TRIM5: variants seen among roughly 807,000 people sequenced by gnomAD.
The protein encoded by TRIM5 is tripartite motif containing 5.
A neutral mutation model predicts 35.6 loss-of-function variants in TRIM5; 31 were observed. The observed-to-expected ratio is 0.87, with a 90% CI of 0.65 to 1.18. TRIM5 has a LOEUF of 1.18. TRIM5 is among the 50% of genes most tolerant of loss of function. The probability of loss-of-function intolerance (pLI) is 0.00; values close to 1 mark genes in which losing one functional copy is unlikely to be tolerated. For synonymous variants in TRIM5, 243 were observed against 215.6 expected, an observed-to-expected ratio of 1.13 and a Z score of -1.11; for missense variants, 609 against 591.6, an observed-to-expected ratio of 1.03 and a Z score of -0.31.
At chr11:5,633,966 C>A in the TRIM5 span, 1 of 1,556,068 alleles carries the variant, frequency 6.4e-7, no homozygotes, top group Non-Finnish European at 8.8e-7. Context: ...AAGGAGGCCT[C>A]GTCCTTTTTA....
rs199796686 is a variant in TRIM5 at position 5,679,948 on chromosome 11, A to G, written c.230T>C (p.Val77Ala). Residue 77 changes from valine (V) to alanine (A), a missense_variant, in exon 2 of 8, where the codon GTG becomes GCG. Transcript: ENST00000380034. ...CAACTTGACCTCCCTGAGCTTCTCC[A>G]CTATGTTGGCTACATGCCGATTAGG... ...IRPNRHVANI[V>A]EKLREVKLSP... The G allele has an allele frequency of 2.5e-4, 404 of 1,613,986 alleles. No homozygotes were observed. The highest frequency in any genetic ancestry group is 3.3e-4 in the Non-Finnish European group (386 of 1,179,992).
chr11:5,680,239 C>T lies in TRIM5; in HGVS notation c.-61-1G>A, dbSNP rs565849849. The T allele has an allele frequency of 6.8e-7, 1 of 1,479,008 alleles. No individual in the cohort carries two copies. The highest frequency in any genetic ancestry group is 1.4e-5 in the African/African-American group (1 of 71,540). 91.6% of individuals were successfully genotyped at this position (1,479,008 alleles called of 1,614,324 possible). On this transcript the variant is annotated splice_acceptor_variant, in intron 1 of 7. Coordinates refer to ENST00000380034, the MANE Select transcript of TRIM5 (RefSeq NM_033034.3). LOFTEE classifies it low-confidence loss of function (5UTR_SPLICE). ...TGAGGTTCCTCTTGTTCACAGATCCCTGCATGATTGGGAAGGTTAAAATGG... is the reference window on the plus strand; with the variant it reads ...TGAGGTTCCTCTTGTTCACAGATCCTTGCATGATTGGGAAGGTTAAAATGG...
the TRIM5 span, chr11:5,643,483 CTT>C: frequency 6.2e-7 from 1 of 1,614,166 alleles, no homozygotes; most frequent in Non-Finnish European, 8.5e-7. Flanking sequence ...TTTGAAGAGT[CTT>C]TGTCCTCTGA....
At chr11:5,653,200 C>T in the TRIM5 span, among the ~76,000 whole-genome samples, 1 of 152,120 alleles carries the variant, frequency 6.6e-6, no homozygotes, top group African/African-American at 2.4e-5. Flanking sequence ...TGTAGATATC[C>T]TTCATCTCCC....
At chr11:5,600,300 G>A in the TRIM5 span, among the ~76,000 whole-genome samples, 1 of 152,164 alleles carries the variant, frequency 6.6e-6, no homozygotes. Context: ...ATGTTGTTAT[G>A]TGGAATTATT....
intron 5 of TRIM5, chr11:5,666,295 T>A (rs1379355877): frequency 1.5e-6 from 1 of 649,548 alleles, no homozygotes; most frequent in Non-Finnish European, 2.8e-6. Context: ...TGGGAAGATC[T>A]TAACCTCTCA....
chr11:5,674,955 C>G, intron 4 of TRIM5, among the ~76,000 whole-genome samples: 1 of 152,158 alleles, frequency 6.6e-6, no homozygotes, highest in Non-Finnish European at 1.5e-5. Context: ...AGATGACTAT[C>G]TTCAAGAGAT....
At chr11:5,603,666 T>C in the TRIM5 span, 2 of 1,612,940 alleles carry the variant, frequency 1.2e-6, no homozygotes, top group South Asian at 2.2e-5. Context: ...TTTGCTGGCT[T>C]TGTGAGCGGT....
the TRIM5 span, among the ~76,000 whole-genome samples, chr11:5,607,206 A>C: frequency 0.24 from 36,234 of 152,100 alleles, 4,377 homozygotes; most frequent in Middle Eastern, 0.43. Flanking sequence ...TCCATCTCAA[A>C]AAAAAAAAAT....
chr11:5,679,648 T>A (rs561320785), intron 2 of TRIM5, 113 bp downstream of exon 2: 13 of 1,185,652 alleles, frequency 1.1e-5, no homozygotes, highest in Admixed American at 1.1e-4. Context: ...ATGAAAAAAA[T>A]AATCCCGGGT....
chr11:5,645,760 T>G, the TRIM5 span: 24 of 218,108 alleles, frequency 1.1e-4, no homozygotes, highest in Non-Finnish European at 1.7e-4. Context: ...TCACTTTTGC[T>G]CATTGTATGT....
chr11:5,678,963 T>C, intron 3 of TRIM5, 111 bp downstream of exon 3: 2 of 875,376 alleles, frequency 2.3e-6, no homozygotes, highest in Non-Finnish European at 3.7e-6. Context: ...AGAGGACTAA[T>C]CAAATGACTT....
At chr11:5,590,366 C>A in the TRIM5 span, 1 of 153,172 alleles carries the variant, frequency 6.5e-6, no homozygotes, top group Admixed American at 6.5e-5. Flanking sequence ...ACTTGGAGAA[C>A]CTTTATGTCT....
the TRIM5 span, among the ~76,000 whole-genome samples, chr11:5,651,977 T>C: frequency 1.3e-5 from 2 of 152,148 alleles, no homozygotes; most frequent in Non-Finnish European, 2.9e-5. Flanking sequence ...TCTGTGCCCA[T>C]ATTTTAATGG....
the TRIM5 span, among the ~76,000 whole-genome samples, chr11:5,634,419 T>A: frequency 6.6e-6 from 1 of 150,774 alleles, no homozygotes; most frequent in Non-Finnish European, 1.5e-5. Flanking sequence ...TCTACTCCCT[T>A]GCTGATTTGA....
chr11:5,595,501 C>T, the TRIM5 span, among the ~76,000 whole-genome samples: 1,455 of 152,198 alleles, frequency 9.6e-3, 22 homozygotes, highest in African/African-American at 0.033. Context: ...GGCTTTTACT[C>T]GTATAACTTT....
In TRIM5 at chr11:5,664,441, A is replaced by C; in HGVS notation, c.*368T>G. ...ACTCATTCATTGGTGAACAATTATC[A>C]CACGATGATATAGAAAGGCTGTTGA... is the stretch of plus-strand genomic sequence containing the variant. On this transcript the variant is annotated 3_prime_UTR_variant, in exon 8 of 8. Transcript: ENST00000380034. The C allele has an allele frequency of 9.8e-7, 1 of 1,016,672 alleles. No individual in the cohort carries two copies. The highest frequency in any genetic ancestry group is 4.1e-5 in the South Asian group (1 of 24,578). 63.0% of individuals were successfully genotyped at this position (1,016,672 alleles called of 1,614,324 possible).
chr11:5,668,069 A>G (rs1021715456), intron 4 of TRIM5, among the ~76,000 whole-genome samples: 6 of 152,244 alleles, frequency 3.9e-5, no homozygotes, highest in Admixed American at 6.5e-5. Context: ...AAACAGATGT[A>G]CAGCCTAGGC....
rs1346551748 is a variant in TRIM5, at chr11:5,680,253, A to C, written c.-61-15T>G. The C allele has an allele frequency of 7.0e-7, 1 of 1,432,450 alleles. No homozygotes were observed. The highest frequency in any genetic ancestry group is 9.3e-7 in the Non-Finnish European group (1 of 1,070,290). 88.7% of individuals were successfully genotyped at this position (1,432,450 alleles called of 1,614,324 possible). ...TTCACAGATCCCTGCATGATTGGGA[A>C]GGTTAAAATGGGACCAAGTAAGAAA... On this transcript the variant is annotated splice_polypyrimidine_tract_variant and intron_variant, in intron 1 of 7. Transcript: ENST00000380034.
Sources: allele counts gnomAD v4.1 joint callset (sites outside exome capture counted in the v4.1 genomes callset), GRCh38; gene constraint gnomAD v4.1.1; transcripts MANE v1.5; gene names NCBI Gene and HGNC (gene_info 2026-07-23, HGNC 2026-07-21).